Variants in GPCPD1 observed in about 807,000 individuals in gnomAD.
GPCPD1 encodes glycerophosphocholine phosphodiesterase 1.
Under a neutral mutation model 89.2 loss-of-function variants are expected in GPCPD1, and 29 were observed. The ratio of observed to expected loss-of-function variants is 0.33; its 90% confidence interval spans 0.24 to 0.44. The LOEUF is 0.44. GPCPD1 is among the 20% of genes least tolerant of loss of function. GPCPD1 has a pLI of 1.00. For synonymous variants in GPCPD1, 258 were observed against 266.3 expected (o/e 0.97, Z 0.30); for missense variants, 594 against 808.9 (o/e 0.73, Z 3.22).
chr20:5,574,320 C>G (rs1010295643), intron 10 of GPCPD1, among the ~76,000 whole-genome samples: 2 of 152,164 alleles, frequency 1.3e-5, no homozygotes, highest in Non-Finnish European at 2.9e-5. Context: ...TGCAATACAG[C>G]CTCCAAAGGA....
rs1018602315 is a variant in GPCPD1 at position 5,546,334 on chromosome 20, T to C, written c.*1327A>G. On this transcript the variant is annotated 3_prime_UTR_variant, in exon 20 of 20. Coordinates refer to ENST00000379019, the MANE Select transcript of GPCPD1 (RefSeq NM_019593.5). ...TATGTCAATATATGAATAAACTGCC[T>C]TGTGAAAAACATGCAGTAAAAGGTA... 3.3e-5 allele frequency: 5 copies of C among 152,222 alleles called. No homozygotes were observed. The highest frequency in any genetic ancestry group is 1.2e-4 in the African/African-American group (5 of 41,452). The allele number at this position is 152,222 out of a possible 1,614,324, so 9.4% of individuals were successfully genotyped here. A position where few individuals can be genotyped will look rare whatever the true frequency, so the allele number is the denominator to read the frequency against.
chr20:5,584,311 T>A lies in GPCPD1; in HGVS notation c.319A>T (p.Ile107Phe). The change falls in exon 6 of 20, where the codon ATT becomes TTT. Residue 107 changes from isoleucine to phenylalanine, a missense_variant. By Grantham distance (21) the Ile-to-Phe change is conservative. Transcript: ENST00000379019. ...RSITPLESEI[I>F]IDDGQFGIHN... is the part of the protein sequence containing the mutation. ...ATTCCAAATTGTCCATCGTCAATAA[T>A]AATTTCGCTTTCTAGAATTTAAGGA... is the stretch of plus-strand genomic sequence containing the variant. The A allele has an allele frequency of 7.1e-7, 1 of 1,411,552 alleles. No homozygotes were observed. Among genetic ancestry groups the A allele is most frequent in the South Asian group, 1.2e-5 (1 of 84,840 alleles). The allele number at this position is 1,411,552 out of a possible 1,614,324, so 87.4% of individuals were successfully genotyped here.
chr20:5,595,155 A>AT (rs766590756), intron 3 of GPCPD1, among the ~76,000 whole-genome samples: 39 of 152,334 alleles, frequency 2.6e-4, no homozygotes, highest in African/African-American at 8.4e-4. Flanking sequence ...TGATTGTATC[A>AT]TTTTTTAGCA....
intron 6 of GPCPD1, among the ~76,000 whole-genome samples, chr20:5,581,516 C>A (rs1414860008): frequency 6.6e-6 from 1 of 152,108 alleles, no homozygotes. Context: ...GCCACTAGTG[C>A]CGGGGGTGTG....
At position 5,586,156 on chromosome 20, in the gene GPCPD1, A is replaced by C. The variant is rs770502792; in HGVS notation, c.307+38T>G. 3 of 993,910 alleles carry C rather than the reference A, an allele frequency of 3.0e-6. No individual in the cohort carries two copies. The Admixed American group carries it at 5.5e-5, about 18-fold the overall frequency. The allele number at this position is 993,910 out of a possible 1,614,324, so 61.6% of individuals were successfully genotyped here. A position where few individuals can be genotyped will look rare whatever the true frequency, so the allele number is the denominator to read the frequency against. On this transcript the variant is annotated intron_variant, in intron 5 of 19. Transcript: ENST00000379019. The stretch of plus-strand genomic sequence containing the variant: ...CATTGTGCAGCATATTAGTAACTTT[A>C]TGCATATGCCTCAAACAGATGCAGT...
At chr20:5,581,064 T>C (rs1212071134) in intron 6 of GPCPD1, among the ~76,000 whole-genome samples, 4 of 151,968 alleles carry the variant, frequency 2.6e-5, no homozygotes, top group Non-Finnish European at 2.9e-5. Flanking sequence ...AGACAGGGTG[T>C]CACCATGCTG....
intron 6 of GPCPD1, among the ~76,000 whole-genome samples, chr20:5,584,056 C>A (rs1043068345): frequency 6.6e-6 from 1 of 152,138 alleles, no homozygotes; most frequent in African/African-American, 2.4e-5. Flanking sequence ...CTGAGAAATG[C>A]ACATTAGACG....
intron 3 of GPCPD1, among the ~76,000 whole-genome samples, chr20:5,598,317 G>C (rs1389541354): frequency 1.3e-5 from 2 of 152,068 alleles, no homozygotes; most frequent in East Asian, 3.9e-4. Context: ...GAGGCGCAAG[G>C]ATCGCTTCAG....
intron 14 of GPCPD1, among the ~76,000 whole-genome samples, chr20:5,566,282 A>T (rs374015255): frequency 6.6e-6 from 1 of 152,250 alleles, no homozygotes. Flanking sequence ...TTTAAAATGA[A>T]TACAATAAGC....
chr20:5,555,728 C>T (rs902788625), intron 19 of GPCPD1, among the ~76,000 whole-genome samples: 3 of 151,920 alleles, frequency 2.0e-5, no homozygotes, highest in East Asian at 1.9e-4. Flanking sequence ...TGGTGGCAGG[C>T]GTGCGCCTGT....
intron 14 of GPCPD1, among the ~76,000 whole-genome samples, chr20:5,566,313 A>G (rs1359971668): frequency 1.3e-5 from 2 of 152,248 alleles, no homozygotes; most frequent in African/African-American, 4.8e-5. Context: ...TGGCACAGCC[A>G]TTAATTTCTA....
chr20:5,607,120 C>T (rs555588665), intron 1 of GPCPD1, among the ~76,000 whole-genome samples: 1 of 151,826 alleles, frequency 6.6e-6, no homozygotes, highest in African/African-American at 2.4e-5. Flanking sequence ...AACTTTGTCT[C>T]TACTAAAAAT....
intron 12 of GPCPD1, among the ~76,000 whole-genome samples, chr20:5,568,067 A>G (rs1418747425): frequency 1.3e-5 from 2 of 152,154 alleles, no homozygotes; most frequent in African/African-American, 4.8e-5. Context: ...GCTATAAACC[A>G]TAATACTTAA....
intron 4 of GPCPD1, among the ~76,000 whole-genome samples, chr20:5,591,204 C>T (rs1258407229): frequency 6.6e-6 from 1 of 152,162 alleles, no homozygotes; most frequent in South Asian, 2.1e-4. Context: ...AAATGTAACA[C>T]ATTAACACCT....
chr20:5,559,928 A>G lies in GPCPD1; in HGVS notation c.1532+12T>C. On this transcript the variant is annotated intron_variant, in intron 17 of 19. Transcript: ENST00000379019. ...TCTAAGAGTATAGGAAAAAATACAGAGTATTACTCACATTGTGCAAATATC... is the reference window on the plus strand; with the variant it reads ...TCTAAGAGTATAGGAAAAAATACAGGGTATTACTCACATTGTGCAAATATC... The G allele has an allele frequency of 2.1e-6, 3 of 1,446,588 alleles. No homozygotes were observed. The highest frequency in any genetic ancestry group is 2.8e-6 in the Non-Finnish European group (3 of 1,072,034). 89.6% of individuals were successfully genotyped at this position (1,446,588 alleles called of 1,614,324 possible).
chr20:5,599,275 C>T (rs922873121), intron 2 of GPCPD1, among the ~76,000 whole-genome samples: 12 of 152,138 alleles, frequency 7.9e-5, no homozygotes, highest in South Asian at 2.1e-4. Context: ...TAAGGCCAGG[C>T]GTGGTGGCTC....
chr20:5,565,041 A>G lies in GPCPD1; in HGVS notation c.1305T>C (p.Asn435=). 6.4e-7 allele frequency: 1 copy of G among 1,552,262 alleles called. No homozygotes were observed. ...VVQEENSFSE[N]QPFPSLKMVL... is the part of the protein sequence containing the mutation. ...CCATCTTAAGAGAAGGAAATGGCTG[A>G]TTTTCTGAAAAGGAATTTTCCTCCT... The change falls in exon 15 of 20, where the codon AAT becomes AAC. Residue 435 remains asparagine (N), a synonymous_variant. Transcript: ENST00000379019.
intron 2 of GPCPD1, among the ~76,000 whole-genome samples, chr20:5,600,352 T>C (rs1980042630): frequency 6.8e-6 from 1 of 147,068 alleles, no homozygotes; most frequent in Admixed American, 6.8e-5. Flanking sequence ...GGCCAGGAGT[T>C]TGAGAACAGC....
chr20:5,608,435 C>T lies in GPCPD1; in HGVS notation c.-29+2407G>A, dbSNP rs564898608. Among the ~76,000 whole-genome samples the T allele has an allele frequency of 3.7e-4, 57 of 152,204 alleles. 2 individuals are homozygous for T. The South Asian group carries it at 0.011, about 30-fold the overall frequency. On this transcript the variant is annotated intron_variant, in intron 1 of 19. Coordinates refer to ENST00000379019, the MANE Select transcript of GPCPD1 (RefSeq NM_019593.5). Reference sequence around the variant, plus strand: ...AATTTGATACCATACCAAATAAAAGCCTCAGGAGCTGTTCCAAATGCAATT... The same window carrying T: ...AATTTGATACCATACCAAATAAAAGTCTCAGGAGCTGTTCCAAATGCAATT...
Sources: allele counts gnomAD v4.1 joint callset (sites outside exome capture counted in the v4.1 genomes callset), GRCh38; gene constraint gnomAD v4.1.1; transcripts MANE v1.5; gene names NCBI Gene and HGNC (gene_info 2026-07-23, HGNC 2026-07-21).